Variants in SEC23B observed in about 807,000 individuals in gnomAD.
SEC23B encodes protein transport protein Sec23B.
Under a neutral mutation model 104.3 loss-of-function variants are expected in SEC23B, and 77 were observed. The observed-to-expected ratio is 0.74, with a 90% confidence interval of 0.61 to 0.89. The LOEUF (loss-of-function observed/expected upper bound fraction) is 0.89, where lower values mean the gene tolerates loss of function less well. Ranked by LOEUF, SEC23B falls within the 40% of genes least tolerant of loss-of-function variation. SEC23B has a pLI of 0.00. For synonymous variants in SEC23B, 338 were observed against 332.5 expected (o/e 1.02, Z -0.18); for missense variants, 885 against 949.4 (o/e 0.93, Z 0.89).
At chr20:18,543,714 C>T (rs899075880) in intron 14 of SEC23B, among the ~76,000 whole-genome samples, 2 of 151,922 alleles carry the variant, frequency 1.3e-5, no homozygotes, top group African/African-American at 2.4e-5. Context: ...GTGCCCTTCT[C>T]CCCAGGGCTG....
Position 18,543,127 on chromosome 20 carries a change from G to T in SEC23B, c.1620G>T (p.Glu540Asp). 6.2e-7 allele frequency: 1 copy of T among 1,614,212 alleles called. No homozygotes were observed. Among genetic ancestry groups the T allele is most frequent in the African/African-American group, 1.3e-5 (1 of 75,050 alleles). The change falls in exon 14 of 20, where the codon GAG becomes GAT. Residue 540 changes from glutamate (E) to aspartate (D), a missense_variant. Glu to Asp is a conservative substitution (Grantham distance 45). Coordinates refer to ENST00000650089, the MANE Select transcript of SEC23B (RefSeq NM_006363.6). ...GGGTGTTCCGAGCGGAGTCAGAGGA[G>T]GGGCCCGATGTGCTCCGGTGGCTGG... is the stretch of plus-strand genomic sequence containing the variant. Reference protein sequence around the residue: ...RLGVFRAESEEGPDVLRWLDR... With the variant: ...RLGVFRAESEDGPDVLRWLDR...
At chr20:18,514,200 CTAA>C (rs1008505450) in intron 3 of SEC23B, among the ~76,000 whole-genome samples, 1 of 152,166 alleles carries the variant, frequency 6.6e-6, no homozygotes, top group African/African-American at 2.4e-5. Context: ...TTTTCTAGCT[CTAA>C]ATGAATGTAG....
rs1184773403 is a variant in SEC23B, at chr20:18,525,805, A to T, written c.707A>T (p.His236Leu). ...FASSRFLQPV[H>L]KIDMNLTDLL... ...TCTTGCAGATTTCTGCAGCCTGTTC[A>T]CAAGATTGATATGAACCTCACTGAT... The change falls in exon 7 of 20, where the codon CAC becomes CTC. Residue 236 changes from histidine to leucine, a missense_variant. By Grantham distance (99) the His-to-Leu change is moderately conservative. Transcript: ENST00000650089. 2 of 1,614,176 alleles carry T rather than the reference A, an allele frequency of 1.2e-6. No individual in the cohort carries two copies. Among genetic ancestry groups the T allele is most frequent in the East Asian group, 2.2e-5 (1 of 44,878 alleles).
intron 15 of SEC23B, 69 bp from the exon 16 acceptor site, chr20:18,548,540 A>T (rs369406593): frequency 6.7e-7 from 1 of 1,490,320 alleles, no homozygotes; most frequent in East Asian, 2.3e-5. Context: ...CCTGAGGTAG[A>T]TCTACTCTGT....
chr20:18,541,644 C>T (rs1272006776), intron 12 of SEC23B, among the ~76,000 whole-genome samples: 3 of 152,236 alleles, frequency 2.0e-5, no homozygotes, highest in African/African-American at 4.8e-5. Flanking sequence ...ATATACACAA[C>T]ATTTATCAGT....
intron 19 of SEC23B, among the ~76,000 whole-genome samples, chr20:18,555,725 CAG>C (rs1568626279): frequency 1.3e-5 from 2 of 151,936 alleles, no homozygotes; most frequent in East Asian, 1.9e-4. Flanking sequence ...AGAAATAATA[CAG>C]AGAGATCACC....
chr20:18,540,247 C>A (rs1393564029), intron 12 of SEC23B, among the ~76,000 whole-genome samples: 2 of 152,150 alleles, frequency 1.3e-5, no homozygotes, highest in Admixed American at 6.5e-5. Flanking sequence ...GTCAAAATTT[C>A]TCCTTGATTC....
intron 12 of SEC23B, among the ~76,000 whole-genome samples, chr20:18,538,281 G>A (rs1374802473): frequency 2.3e-5 from 3 of 133,276 alleles, no homozygotes; most frequent in Non-Finnish European, 4.6e-5. Flanking sequence ...ACGGGGTCTC[G>A]CTCTGTACCC....
In SEC23B at chr20:18,510,999, A is replaced by C. The variant is rs769340008; in HGVS notation, c.164A>C (p.Gln55Pro). The stretch of plus-strand genomic sequence containing the variant: ...GAACGTCCAGACCTACCTCCTGTAC[A>C]ATATGAACCTGTGCTTTGCAGCAGG... The part of the protein sequence containing the change: ...LKERPDLPPV[Q>P]YEPVLCSRPT... Residue 55 changes from glutamine (Q) to proline (P), a missense_variant, in exon 2 of 20, where the codon CAA becomes CCA. Physicochemically the swap from Gln to Pro is moderately conservative, Grantham distance 76 (BLOSUM62 -1). Transcript: ENST00000650089. 2.0e-5 allele frequency: 33 copies of C among 1,614,222 alleles called. No homozygotes were observed. The highest frequency in any genetic ancestry group is 2.7e-5 in the Non-Finnish European group (32 of 1,180,028).
chr20:18,541,016 C>T (rs887486665), intron 12 of SEC23B, among the ~76,000 whole-genome samples: 4 of 152,256 alleles, frequency 2.6e-5, no homozygotes, highest in South Asian at 2.1e-4. Context: ...AGTGTAGCCA[C>T]CACCTTCATC....
Position 18,554,969 on chromosome 20 carries a change from ATTCT to A in SEC23B, c.2149-138_2149-135del. 3.0e-4 allele frequency: 21 copies of A among 70,040 alleles called. 8 individuals carry two copies. The highest frequency in any genetic ancestry group is 6.5e-4 in the Non-Finnish European group (15 of 22,996). The allele number at this position is 70,040 out of a possible 1,614,324, so 4.3% of individuals were successfully genotyped here. A position where few individuals can be genotyped will look rare whatever the true frequency, so the allele number is the denominator to read the frequency against. ...AAATAGATTACTGTGCAGTAAAACA[ATTCT>A]AATTAGATTACTGTGCAGTAAAACA... On this transcript the variant is annotated intron_variant, in intron 18 of 19. Transcript: ENST00000650089.
chr20:18,553,891 G>A (rs2060410836), intron 17 of SEC23B, among the ~76,000 whole-genome samples: 1 of 151,900 alleles, frequency 6.6e-6, no homozygotes, highest in South Asian at 2.1e-4. Flanking sequence ...CAGATGTGCG[G>A]AGATGAGAGG....
chr20:18,520,903 C>G (rs111553093), intron 4 of SEC23B, among the ~76,000 whole-genome samples: 1,975 of 152,130 alleles, frequency 0.013, 19 homozygotes, highest in South Asian at 0.05. Context: ...GTCAGAGAGC[C>G]TTGGGCCAGA....
Position 18,532,675 on chromosome 20 carries a change from A to G in SEC23B, c.1245A>G (p.Glu415=). 1 of 1,613,330 alleles carries G rather than the reference A, an allele frequency of 6.2e-7. No homozygotes were observed. Among genetic ancestry groups the G allele is most frequent in the Non-Finnish European group, 8.5e-7 (1 of 1,179,208 alleles). The change falls in exon 11 of 20, where the codon GAA becomes GAG. Residue 415 remains glutamate (E), a synonymous_variant. Transcript: ENST00000650089. ...CATATTTGTTATAGACCTCTCGGGA[A>G]CTGAAGATTGCAGGAGCCATTGGTC... is the stretch of plus-strand genomic sequence containing the variant. The part of the protein sequence containing the change: ...GATLDVKTSR[E]LKIAGAIGPC...
At chr20:18,531,187 C>T (rs760411161) in intron 10 of SEC23B, among the ~76,000 whole-genome samples, 6 of 152,198 alleles carry the variant, frequency 3.9e-5, no homozygotes, top group Non-Finnish European at 5.9e-5. Context: ...CACCCTGCTT[C>T]AAGGCAGTAG....
In SEC23B at chr20:18,560,850, G is replaced by C. The variant is rs2060486456; in HGVS notation, c.*110G>C. ...CTAGCAGATTTTAACAAATAATCAA[G>C]GACATTTTATATGTAACTCTTTAGA... On this transcript the variant is annotated 3_prime_UTR_variant, in exon 20 of 20. Transcript: ENST00000650089. 2.4e-6 allele frequency: 2 copies of C among 821,920 alleles called. No homozygotes were observed. The highest frequency in any genetic ancestry group is 4.3e-6 in the Non-Finnish European group (2 of 470,230). 50.9% of individuals were successfully genotyped at this position (821,920 alleles called of 1,614,324 possible).
At chr20:18,511,094 C>G in intron 2 of SEC23B, 38 bp downstream of exon 2, 1 of 1,465,768 alleles carries the variant, frequency 6.8e-7, no homozygotes, top group East Asian at 2.3e-5. Context: ...ATGATAAATA[C>G]AATATATTAT....
intron 4 of SEC23B, among the ~76,000 whole-genome samples, chr20:18,520,111 TG>T (rs1482149186): frequency 6.6e-6 from 1 of 152,074 alleles, no homozygotes; most frequent in African/African-American, 2.4e-5. Flanking sequence ...TAATGAGTTG[TG>T]GAGGGAGGTA....
At chr20:18,548,825 T>C (rs959126271) in intron 16 of SEC23B, 55 bp downstream of exon 16, 4 of 1,566,172 alleles carry the variant, frequency 2.6e-6, no homozygotes, top group Non-Finnish European at 3.5e-6. Flanking sequence ...ACATATATTC[T>C]TTTTTAAGCA....
Sources: allele counts gnomAD v4.1 joint callset (sites outside exome capture counted in the v4.1 genomes callset), GRCh38; gene constraint gnomAD v4.1.1; transcripts MANE v1.5; gene names NCBI Gene and HGNC (gene_info 2026-07-23, HGNC 2026-07-21).